IRS1: variants seen among roughly 807,000 people sequenced by gnomAD.
IRS1 encodes insulin receptor substrate 1.
A neutral mutation model predicts 65.6 loss-of-function variants in IRS1; 34 were observed. The ratio of observed to expected loss-of-function variants is 0.52; its 90% CI spans 0.39 to 0.69. IRS1 has a LOEUF of 0.69. Among genes scored for constraint, IRS1 ranks in the 30% least tolerant of loss-of-function variants. The probability of loss-of-function intolerance (pLI) is 0.00; values close to 1 mark genes in which losing one functional copy is unlikely to be tolerated. For missense variants in IRS1, 1,641 were observed against 1,720.2 expected, an observed-to-expected ratio of 0.95 and a Z score of 0.81; for synonymous variants, 699 against 683.5, an observed-to-expected ratio of 1.02 and a Z score of -0.35.
intron 1 of IRS1, among the ~76,000 whole-genome samples, chr2:226,772,771 G>A (rs1939189120): frequency 6.6e-6 from 1 of 151,832 alleles, no homozygotes; most frequent in Non-Finnish European, 1.5e-5. Flanking sequence ...GAAACCTAAA[G>A]CTTATCATGC....
At chr2:226,780,352 A>G (rs1939357721) in intron 1 of IRS1, among the ~76,000 whole-genome samples, 1 of 152,210 alleles carries the variant, frequency 6.6e-6, no homozygotes, top group South Asian at 2.1e-4. Flanking sequence ...AGATCACACC[A>G]TTGTACTCCA....
intron 1 of IRS1, among the ~76,000 whole-genome samples, chr2:226,778,281 T>C (rs1217181294): frequency 1.3e-5 from 2 of 152,266 alleles, no homozygotes; most frequent in Non-Finnish European, 2.9e-5. Context: ...AAAATCAGAA[T>C]GAGGGAAATT....
At chr2:226,784,169 T>G (rs527950391) in intron 1 of IRS1, among the ~76,000 whole-genome samples, 21 of 152,236 alleles carry the variant, frequency 1.4e-4, no homozygotes, top group African/African-American at 4.8e-4. Flanking sequence ...AGCACTTTAT[T>G]TGGTTGTGGT....
Position 226,799,354 on chromosome 2 carries a change from G to GGCTGTT in IRS1, c.-622_-617dup, listed in dbSNP as rs1199611043. On this transcript the variant is annotated 5_prime_UTR_variant, in exon 1 of 2. Coordinates refer to ENST00000305123, the MANE Select transcript of IRS1 (RefSeq NM_005544.3). The surrounding 1 kb of genome is among the most constrained non-coding windows in gnomAD (Gnocchi z 6.1). ...TCAGTCGCAGAGACCGCGGCGCTGC[G>GGCTGTT]GCTGTTGCTGTTGCTGCTGCTGCTG... 36 of 1,256,258 alleles carry GGCTGTT rather than the reference G, an allele frequency of 2.9e-5. No homozygotes were observed. The highest frequency in any genetic ancestry group is 1.7e-4 in the South Asian group (13 of 75,446). 77.8% of individuals were successfully genotyped at this position (1,256,258 alleles called of 1,614,324 possible). A position where few individuals can be genotyped will look rare whatever the true frequency, so the allele number is the denominator to read the frequency against.
In IRS1 at chr2:226,796,091, G is replaced by GGCT. The variant is rs747646240; in HGVS notation, c.2645_2647dup (p.Gln882dup). On this transcript the variant is annotated inframe_insertion, in exon 1 of 2. Coordinates refer to ENST00000305123, the MANE Select transcript of IRS1 (RefSeq NM_005544.3). ...CTTGGGCTCTGGAGGGTGCAGCAAG[G>GGCT]GCTGCTGCTGCTGCTGCTGCTCTCG... is the stretch of plus-strand genomic sequence containing the variant. 318 of 1,612,252 alleles carry GGCT rather than the reference G, an allele frequency of 2.0e-4. 2 individuals are homozygous for GGCT. The East Asian group carries it at 5.7e-3, about 29-fold the overall frequency.
chr2:226,777,590 T>C (rs1303870758), intron 1 of IRS1, among the ~76,000 whole-genome samples: 1 of 152,170 alleles, frequency 6.6e-6, no homozygotes, highest in Non-Finnish European at 1.5e-5. Context: ...ATAATTCCCA[T>C]GTGTTATGAG....
rs1279581692 is a variant in IRS1 at position 226,795,073 on chromosome 2, T to C, written c.3666A>G (p.Ser1222=). The C allele has an allele frequency of 6.9e-7, 1 of 1,445,016 alleles. No individual in the cohort carries two copies. 89.5% of individuals were successfully genotyped at this position (1,445,016 alleles called of 1,614,324 possible). A position where few individuals can be genotyped will look rare whatever the true frequency, so the allele number is the denominator to read the frequency against. The change falls in exon 1 of 2, where the codon TCA becomes TCG. Residue 1222 remains serine, a synonymous_variant. Coordinates refer to ENST00000305123, the MANE Select transcript of IRS1 (RefSeq NM_005544.3). ...TGGCATAGGCGCTTAAATCCTCACT[T>C]GAGCGGCGGGTGGAGCTGCTCTCAC... ...GSGESSSTRR[S]SEDLSAYASI...
At chr2:226,766,237 C>T (rs1411800282) in intron 1 of IRS1, among the ~76,000 whole-genome samples, 4 of 138,804 alleles carry the variant, frequency 2.9e-5, no homozygotes, top group Non-Finnish European at 6.2e-5. Flanking sequence ...GATCTCGGCT[C>T]ACTGCAATCT....
At chr2:226,761,443 C>T (rs1006699373) in intron 1 of IRS1, among the ~76,000 whole-genome samples, 3 of 152,082 alleles carry the variant, frequency 2.0e-5, no homozygotes, top group African/African-American at 7.2e-5. Flanking sequence ...TCATTCTATA[C>T]CAACTTCCAA....
chr2:226,798,753 C>T lies in IRS1; in HGVS notation c.-15G>A. The T allele has an allele frequency of 1.9e-6, 3 of 1,607,996 alleles. No homozygotes were observed. Among genetic ancestry groups the T allele is most frequent in the Non-Finnish European group, 2.5e-6 (3 of 1,177,940 alleles). ...GGGCTCGCCATGCTGCCACCGCCAC[C>T]ACCAACGCTGAGCAGAGGGAGGCTC... On this transcript the variant is annotated 5_prime_UTR_variant, in exon 1 of 2. An upstream open reading frame in the 5' UTR gains an earlier in-frame stop. Transcript: ENST00000305123. This position sits in a 1 kb window ranked among gnomAD's most constrained non-coding sequence, Gnocchi z 9.4.
chr2:226,798,886 C>G lies in IRS1; in HGVS notation c.-148G>C. The G allele has an allele frequency of 6.6e-7, 1 of 1,516,634 alleles. No individual in the cohort carries two copies. The highest frequency in any genetic ancestry group is 1.3e-5 in the South Asian group (1 of 79,044). The allele number at this position is 1,516,634 out of a possible 1,614,324, so 93.9% of individuals were successfully genotyped here. On this transcript the variant is annotated 5_prime_UTR_variant, in exon 1 of 2. Coordinates refer to ENST00000305123, the MANE Select transcript of IRS1 (RefSeq NM_005544.3). This position sits in a 1 kb window ranked among gnomAD's most constrained non-coding sequence, Gnocchi z 9.4. The stretch of plus-strand genomic sequence containing the variant: ...ACTCTGAAATCCACGCCGCCCCCCG[C>G]GCCGGGGAGGGGCAGCTGAAGGAGG...
intron 1 of IRS1, among the ~76,000 whole-genome samples, chr2:226,772,045 G>C (rs1207002782): frequency 6.6e-6 from 1 of 152,028 alleles, no homozygotes; most frequent in African/African-American, 2.4e-5. Flanking sequence ...ATAAATATCT[G>C]AACAAGAGAC....
chr2:226,755,446 G>A (rs1185627092), intron 1 of IRS1, among the ~76,000 whole-genome samples: 1 of 152,186 alleles, frequency 6.6e-6, no homozygotes, highest in Non-Finnish European at 1.5e-5. Flanking sequence ...CATCATTCTA[G>A]TTGGCAGTAA....
At chr2:226,756,347 A>C (rs950976678) in intron 1 of IRS1, among the ~76,000 whole-genome samples, 5 of 152,208 alleles carry the variant, frequency 3.3e-5, no homozygotes, top group African/African-American at 1.2e-4. Context: ...TAGTCAGTGA[A>C]TCACCATCTC....
intron 1 of IRS1, among the ~76,000 whole-genome samples, chr2:226,756,919 G>A (rs558908975): frequency 5.9e-5 from 9 of 151,786 alleles, no homozygotes; most frequent in Non-Finnish European, 1.0e-4. Flanking sequence ...CTGAAATCAC[G>A]CCACTGCACT....
chr2:226,798,687 A>G lies in IRS1; in HGVS notation c.52T>C (p.Tyr18His), dbSNP rs1939814464. 1.9e-6 allele frequency: 3 copies of G among 1,612,976 alleles called. No homozygotes were observed. The highest frequency in any genetic ancestry group is 2.5e-6 in the Non-Finnish European group (3 of 1,179,898). Residue 18 changes from tyrosine (Y) to histidine (H), a missense_variant, in exon 1 of 2, where the codon TAC becomes CAC. Around this residue, in one of 3 missense-constraint regions of IRS1, gnomAD observed 240 missense variants for 229.6 expected, o/e 1.05. Coordinates refer to ENST00000305123, the MANE Select transcript of IRS1 (RefSeq NM_005544.3). This position sits in a 1 kb window ranked among gnomAD's most constrained non-coding sequence, Gnocchi z 9.4. ...DGFSDVRKVG[Y>H]LRKPKSMHKR... ...TGCATGCTCTTGGGTTTGCGCAGGT[A>G]GCCCACCTTGCGCACGTCCGAGAAG...
intron 1 of IRS1, among the ~76,000 whole-genome samples, chr2:226,740,534 T>G (rs1222319537): frequency 1.3e-5 from 2 of 152,198 alleles, no homozygotes; most frequent in African/African-American, 2.4e-5. Flanking sequence ...ACTGATCGTT[T>G]TTACTGGGAA....
rs1211740083 is a variant in IRS1, at chr2:226,796,292, A to C, written c.2447T>G (p.Leu816Arg). The C allele has an allele frequency of 6.2e-7, 1 of 1,613,548 alleles. No homozygotes were observed. ...DSSSSTSSDS[L>R]GGGYCGARLE... ...CCTAGCCCCGCAGTATCCCCCACCC[A>C]GGCTGTCGCTGCTGGTGGAAGAGGA... Residue 816 changes from leucine (L) to arginine (R), a missense_variant, in exon 1 of 2, where the codon CTG (leucine) becomes CGG (arginine). Transcript: ENST00000305123.
chr2:226,799,110 G>A lies in IRS1; in HGVS notation c.-372C>T, dbSNP rs531682014. On this transcript the variant is annotated 5_prime_UTR_variant, in exon 1 of 2. Transcript: ENST00000305123. This position sits in a 1 kb window ranked among gnomAD's most constrained non-coding sequence, Gnocchi z 6.1. The stretch of plus-strand genomic sequence containing the variant: ...TGGAGTCCGGCACAGGGAGGCGACA[G>A]TCGGGGGTCCCTGCGGTGCCCCTCC... 324 of 1,186,792 alleles carry A rather than the reference G, an allele frequency of 2.7e-4. 2 individuals carry two copies. In the African/African-American group the frequency reaches 4.3e-3, roughly 16 times the overall value. 73.5% of individuals were successfully genotyped at this position (1,186,792 alleles called of 1,614,324 possible). A position where few individuals can be genotyped will look rare whatever the true frequency, so the allele number is the denominator to read the frequency against.
Sources: gnomAD v4.1 joint callset for allele counts (sites outside exome capture counted in the v4.1 genomes callset) on GRCh38, gnomAD v4.1.1 for gene constraint, gnomAD v4.1.1 regional missense constraint, Gnocchi (gnomAD v3.1) non-coding constraint, MANE v1.5 for transcripts, NCBI Gene and HGNC (gene_info 2026-07-23, HGNC 2026-07-21) for gene names.